MELK: variants seen among roughly 807,000 people sequenced by gnomAD.
The protein encoded by MELK is pEg3 kinase.
Under a neutral mutation model 85.0 loss-of-function variants are expected in MELK, and 81 were observed. The ratio of observed to expected loss-of-function variants is 0.95; its 90% CI spans 0.80 to 1.15. MELK has a LOEUF of 1.15. MELK is among the 50% of genes most tolerant of loss of function. The pLI, the probability that MELK is intolerant of heterozygous loss-of-function variation, is 0.00. For missense variants in MELK, 754 were observed against 777.5 expected (o/e 0.97, Z 0.36); for synonymous variants, 252 against 265.0 (o/e 0.95, Z 0.48).
chr9:36,615,020 A>T (rs1826456101), intron 8 of MELK, among the ~76,000 whole-genome samples: 1 of 145,674 alleles, frequency 6.9e-6, no homozygotes, highest in African/African-American at 2.6e-5. Flanking sequence ...GCGGCCGGGC[A>T]GAGGCGCCCC....
rs767018563 is a variant in MELK at position 36,583,659 on chromosome 9, A to T, written c.91A>T (p.Ile31Phe). 1 of 1,612,922 alleles carries T rather than the reference A, an allele frequency of 6.2e-7. No homozygotes were observed. Among genetic ancestry groups the T allele is most frequent in the South Asian group, 1.1e-5 (1 of 90,934 alleles). Reference sequence around the variant, plus strand: ...TGCAAAGGTCAAACTTGCCTGCCATATCCTTACTGGAGAGATGGTAGCTAT... The same window carrying T: ...TGCAAAGGTCAAACTTGCCTGCCATTTCCTTACTGGAGAGATGGTAGCTAT... Reference protein sequence around the residue: ...GFAKVKLACHILTGEMVAIKI... With the variant: ...GFAKVKLACHFLTGEMVAIKI... The change falls in exon 3 of 18, where the codon ATC (isoleucine) becomes TTC (phenylalanine). Residue 31 changes from isoleucine (I) to phenylalanine (F), a missense_variant. Coordinates refer to ENST00000298048, the MANE Select transcript of MELK (RefSeq NM_014791.4).
rs376732476 is a variant in MELK, at chr9:36,589,511, C to T, written c.145-25C>T. ...ACACCACCTGAATAAGTTTATTGCT[C>T]ATTCCATATGATGTTTTGTCACAGA... On this transcript the variant is annotated intron_variant, in intron 3 of 17. Coordinates refer to ENST00000298048, the MANE Select transcript of MELK (RefSeq NM_014791.4). 65 of 1,547,054 alleles carry T rather than the reference C, an allele frequency of 4.2e-5. No homozygotes were observed. In the African/African-American group the frequency reaches 6.1e-4, roughly 15 times the overall value.
At chr9:36,589,204 A>AGTG (rs900736125) in intron 3 of MELK, among the ~76,000 whole-genome samples, 3 of 151,378 alleles carry the variant, frequency 2.0e-5, no homozygotes, top group Non-Finnish European at 4.4e-5. Flanking sequence ...GCGGGAGTGC[A>AGTG]GTGGCGCAAT....
At chr9:36,643,394 A>C (rs901570729) in intron 11 of MELK, among the ~76,000 whole-genome samples, 1 of 152,150 alleles carries the variant, frequency 6.6e-6, no homozygotes, top group African/African-American at 2.4e-5. Flanking sequence ...AAAAAAAGAA[A>C]AAGAAAAAAA....
intron 12 of MELK, among the ~76,000 whole-genome samples, chr9:36,653,497 G>A (rs1830916919): frequency 1.3e-5 from 2 of 152,194 alleles, no homozygotes; most frequent in Non-Finnish European, 2.9e-5. Context: ...GAGGCACCAT[G>A]TCATTCCTAA....
At chr9:36,675,055 G>A in intron 17 of MELK, 118 bp downstream of exon 17, 2 of 621,506 alleles carry the variant, frequency 3.2e-6, no homozygotes, top group Non-Finnish European at 2.8e-6. Context: ...GGAGGCTGAG[G>A]TGGGCAGATC....
At chr9:36,648,418 G>A (rs1019782617) in intron 11 of MELK, among the ~76,000 whole-genome samples, 18 of 152,180 alleles carry the variant, frequency 1.2e-4, no homozygotes, top group Non-Finnish European at 1.2e-4. Context: ...AGGAAAAACA[G>A]GAAGATGGGT....
chr9:36,674,985 C>A, intron 17 of MELK, 48 bp downstream of exon 17: 1 of 1,423,052 alleles, frequency 7.0e-7, no homozygotes. Flanking sequence ...ATCTTTTGGA[C>A]TTTGAGAAAA....
At chr9:36,670,918 A>G in intron 15 of MELK, 80 bp from the exon 16 acceptor site, 10 of 1,437,654 alleles carry the variant, frequency 7.0e-6, no homozygotes, top group Non-Finnish European at 9.3e-6. Context: ...ATGTGTATGA[A>G]GGGACAAAAG....
Position 36,657,386 on chromosome 9 carries a change from T to G in MELK, c.1176+23T>G, listed in dbSNP as rs772307395. The G allele has an allele frequency of 2.5e-6, 4 of 1,574,924 alleles. No homozygotes were observed. The South Asian group carries it at 4.8e-5, about 19-fold the overall frequency. ...CAGGTTCGTCATTCTTATTACTATT[T>G]AAGGCAGAATCTATTGTTTCAATTA... is the stretch of plus-strand genomic sequence containing the variant. On this transcript the variant is annotated intron_variant, in intron 13 of 17. Transcript: ENST00000298048.
rs144041070 is a variant in MELK, at chr9:36,611,198, C to G, written c.666+3525C>G. 3.5e-3 allele frequency among the ~76,000 whole-genome samples: 536 copies of G among 152,178 alleles called. 2 individuals carry two copies. Among genetic ancestry groups the G allele is most frequent in the Middle Eastern group, 6.8e-3 (2 of 294 alleles). The stretch of plus-strand genomic sequence containing the variant: ...TTACCCTATTCTTGTTTTGGGAACT[C>G]CATCCCAAAGAAATAAGCTGACAGA... On this transcript the variant is annotated intron_variant, in intron 8 of 17. Transcript: ENST00000298048.
rs74181196 is a variant in MELK, at chr9:36,621,275, GAAAAAAAAAAAAA to G, written c.667-8994_667-8982del. Among the ~76,000 whole-genome samples the G allele has an allele frequency of 2.3e-3, 73 of 32,428 alleles. 1 individual carries two copies. The highest frequency in any genetic ancestry group is 4.9e-3 in the East Asian group (4 of 820). 21.3% of individuals were successfully genotyped at this position (32,428 alleles called of 152,430 possible). ...TGACAGAGTGAGACTCTGTCTCAGGGAAAAAAAAAAAAAAAAAAAAAAAAAAAAAAAAAAAAAA... is the reference window on the plus strand; with the variant it reads ...TGACAGAGTGAGACTCTGTCTCAGGGAAAAAAAAAAAAAAAAAAAAAAAAA... On this transcript the variant is annotated intron_variant, in intron 8 of 17. Transcript: ENST00000298048.
chr9:36,662,995 A>G (rs1450904290), intron 13 of MELK, among the ~76,000 whole-genome samples: 1 of 151,734 alleles, frequency 6.6e-6, no homozygotes, highest in South Asian at 2.1e-4. Context: ...CATGCTTTCT[A>G]TGTATGGGGA....
At chr9:36,652,859 TA>T (rs1179850042) in intron 12 of MELK, among the ~76,000 whole-genome samples, 6 of 152,158 alleles carry the variant, frequency 3.9e-5, no homozygotes, top group Admixed American at 6.5e-5. Context: ...GTCTTTTTTT[TA>T]AAGCATACTT....
At chr9:36,603,334 T>C (rs1018942393) in intron 7 of MELK, among the ~76,000 whole-genome samples, 2 of 152,222 alleles carry the variant, frequency 1.3e-5, no homozygotes, top group African/African-American at 4.8e-5. Context: ...TTCACAGTCC[T>C]GATCATGCTT....
intron 17 of MELK, 124 bp from the exon 18 acceptor site, chr9:36,677,036 C>T (rs1443837749): frequency 2.5e-6 from 2 of 788,218 alleles, no homozygotes; most frequent in Non-Finnish European, 3.9e-6. Flanking sequence ...AAACTGTAAA[C>T]AGTAATACAT....
intron 8 of MELK, among the ~76,000 whole-genome samples, chr9:36,615,072 C>A (rs1470708037): frequency 6.1e-5 from 6 of 97,698 alleles, no homozygotes; most frequent in Non-Finnish European, 9.9e-5. Flanking sequence ...GGGGGGCTGA[C>A]CCCCCCCCCA....
intron 7 of MELK, among the ~76,000 whole-genome samples, chr9:36,605,435 C>G (rs1241249626): frequency 6.6e-6 from 1 of 152,098 alleles, no homozygotes; most frequent in African/African-American, 2.4e-5. Flanking sequence ...TCTTGAACTC[C>G]TGACCTCAGG....
chr9:36,656,832 G>A lies in MELK; in HGVS notation c.1054-409G>A, dbSNP rs368868789. Among the ~76,000 whole-genome samples, 7 of 152,276 alleles carry A rather than the reference G, an allele frequency of 4.6e-5. No homozygotes were observed. The East Asian group carries it at 7.7e-4, about 17-fold the overall frequency. The stretch of plus-strand genomic sequence containing the variant: ...GGGGTTTCACCGTGTTGCCCAGACT[G>A]GCTCCAACGCCTGAGCTTAAGTGAT... On this transcript the variant is annotated intron_variant, in intron 12 of 17. Coordinates refer to ENST00000298048, the MANE Select transcript of MELK (RefSeq NM_014791.4).
Sources: allele counts gnomAD v4.1 joint callset (sites outside exome capture counted in the v4.1 genomes callset), GRCh38; gene constraint gnomAD v4.1.1; transcripts MANE v1.5; gene names NCBI Gene and HGNC (gene_info 2026-07-23, HGNC 2026-07-21).